Variants in DPY19L1 observed in about 807,000 individuals in gnomAD.
The protein encoded by DPY19L1 is protein C-mannosyl-transferase DPY19L1.
In DPY19L1, 35 loss-of-function variants were observed where a neutral mutation model predicts 96.9. The observed-to-expected ratio is 0.36, with a 90% CI of 0.28 to 0.48. DPY19L1 has a LOEUF of 0.48. DPY19L1 is among the 20% of genes least tolerant of loss of function. The probability of loss-of-function intolerance (pLI) is 0.99; values close to 1 mark genes in which losing one functional copy is unlikely to be tolerated. For missense variants in DPY19L1, 521 were observed against 777.9 expected (o/e 0.67, Z 3.93); for synonymous variants, 205 against 252.6 (o/e 0.81, Z 1.79).
chr7:34,930,261 G>A lies in DPY19L1; in HGVS notation c.*1312C>T, dbSNP rs1783725572. ...TAAAACCTTTTCTCAGAGCTATGAGGTTTCATCGTTTTGAAGAATCTCATT... is the reference window on the plus strand; with the variant it reads ...TAAAACCTTTTCTCAGAGCTATGAGATTTCATCGTTTTGAAGAATCTCATT... On this transcript the variant is annotated 3_prime_UTR_variant, in exon 22 of 22. Coordinates refer to ENST00000638088, the MANE Select transcript of DPY19L1 (RefSeq NM_001366673.1). The A allele has an allele frequency of 6.6e-6, 1 of 152,098 alleles. No individual in the cohort carries two copies. Among genetic ancestry groups the A allele is most frequent in the Non-Finnish European group, 1.5e-5 (1 of 68,018 alleles). 9.4% of individuals were successfully genotyped at this position (152,098 alleles called of 1,614,324 possible).
At chr7:35,030,221 A>G (rs1355695749) in intron 1 of DPY19L1, among the ~76,000 whole-genome samples, 1 of 152,250 alleles carries the variant, frequency 6.6e-6, no homozygotes, top group African/African-American at 2.4e-5. Flanking sequence ...AGTAGTAATT[A>G]CTGTTAGGAA....
intron 14 of DPY19L1, among the ~76,000 whole-genome samples, chr7:34,948,477 T>C (rs1037942113): frequency 6.6e-6 from 1 of 152,204 alleles, no homozygotes; most frequent in Non-Finnish European, 1.5e-5. Flanking sequence ...GTACTCTGTC[T>C]CTACAGCACA....
intron 11 of DPY19L1, among the ~76,000 whole-genome samples, chr7:34,955,776 T>C (rs1241099313): frequency 6.6e-6 from 1 of 152,180 alleles, no homozygotes; most frequent in Non-Finnish European, 1.5e-5. Flanking sequence ...ATCAACTAAA[T>C]ACTTCTCTGA....
In DPY19L1 at chr7:34,973,525, A is replaced by AGCT; in HGVS notation, c.902_903insAGC (p.Thr301_His302insAla). The AGCT allele has an allele frequency of 6.5e-7, 1 of 1,529,042 alleles. No individual in the cohort carries two copies. The highest frequency in any genetic ancestry group is 2.4e-5 in the East Asian group (1 of 42,196). 94.7% of individuals were successfully genotyped at this position (1,529,042 alleles called of 1,614,324 possible). A position where few individuals can be genotyped will look rare whatever the true frequency, so the allele number is the denominator to read the frequency against. On this transcript the variant is annotated inframe_insertion, in exon 8 of 22. Coordinates refer to ENST00000638088, the MANE Select transcript of DPY19L1 (RefSeq NM_001366673.1). ...TAAGTCAAAGTTACCTGAGAATATG[A>AGCT]GTCACTAGCAACATCTGAAGAACAA...
intron 11 of DPY19L1, among the ~76,000 whole-genome samples, chr7:34,955,768 C>G (rs73693349): frequency 2.1e-3 from 321 of 152,220 alleles, no homozygotes; most frequent in African/African-American, 6.8e-3. Flanking sequence ...GTTAATGGAT[C>G]AACTAAATAC....
At chr7:34,942,668 A>T in intron 16 of DPY19L1, 29 bp from the exon 17 acceptor site, 1 of 1,579,746 alleles carries the variant, frequency 6.3e-7, no homozygotes, top group Non-Finnish European at 8.6e-7. Context: ...TATTGCCATC[A>T]ATTCATTATT....
At chr7:35,015,863 T>G (rs1785833915) in intron 3 of DPY19L1, among the ~76,000 whole-genome samples, 1 of 152,238 alleles carries the variant, frequency 6.6e-6, no homozygotes, top group Non-Finnish European at 1.5e-5. Context: ...GGGGTTGCCC[T>G]GTGAAGAAGC....
chr7:35,002,947 T>A (rs1179875449), intron 6 of DPY19L1, among the ~76,000 whole-genome samples: 1 of 152,034 alleles, frequency 6.6e-6, no homozygotes, highest in Non-Finnish European at 1.5e-5. Context: ...TTTTTTGTAT[T>A]TTTTAGTAGA....
chr7:34,932,561 T>G (rs1783776306), intron 21 of DPY19L1, among the ~76,000 whole-genome samples: 1 of 152,232 alleles, frequency 6.6e-6, no homozygotes, highest in Non-Finnish European at 1.5e-5. Context: ...TCAAAACATC[T>G]TAAATTGGAC....
intron 14 of DPY19L1, among the ~76,000 whole-genome samples, chr7:34,949,004 G>A (rs1451615601): frequency 6.6e-6 from 1 of 152,176 alleles, no homozygotes; most frequent in Admixed American, 6.5e-5. Flanking sequence ...AAACTAACAT[G>A]TCAATAGAGT....
At chr7:34,937,489 T>C (rs893582014) in intron 21 of DPY19L1, among the ~76,000 whole-genome samples, 1 of 152,064 alleles carries the variant, frequency 6.6e-6, no homozygotes, top group East Asian at 1.9e-4. Context: ...AAGTTTCTTT[T>C]AAAACATCAA....
intron 6 of DPY19L1, among the ~76,000 whole-genome samples, chr7:35,000,153 A>G (rs752970847): frequency 2.0e-5 from 3 of 152,262 alleles, no homozygotes; most frequent in Non-Finnish European, 2.9e-5. Context: ...ATTAACTTAC[A>G]TGGAGACCTC....
At chr7:34,946,439 G>A (rs1176346913) in intron 15 of DPY19L1, among the ~76,000 whole-genome samples, 5 of 152,154 alleles carry the variant, frequency 3.3e-5, no homozygotes, top group African/African-American at 9.7e-5. Flanking sequence ...GTAATTATCC[G>A]CTTTCCATCT....
At chr7:34,953,796 T>C (rs574862002) in intron 13 of DPY19L1, among the ~76,000 whole-genome samples, 1 of 152,208 alleles carries the variant, frequency 6.6e-6, no homozygotes, top group Non-Finnish European at 1.5e-5. Context: ...AACCATTTAA[T>C]GGTCCATGTG....
chr7:35,015,407 G>C (rs367619376), intron 3 of DPY19L1, among the ~76,000 whole-genome samples: 7 of 152,286 alleles, frequency 4.6e-5, no homozygotes, highest in African/African-American at 1.4e-4. Flanking sequence ...CACAGGATGC[G>C]GTGAAGAAGC....
chr7:35,018,730 A>C, intron 1 of DPY19L1, 134 bp from the exon 2 acceptor site: 1 of 738,880 alleles, frequency 1.4e-6, no homozygotes. Flanking sequence ...AAAAAGTCCC[A>C]GGGCTACGTT....
chr7:35,036,054 C>A (rs767489708), intron 1 of DPY19L1, among the ~76,000 whole-genome samples: 11 of 152,214 alleles, frequency 7.2e-5, no homozygotes, highest in Middle Eastern at 3.4e-3. Context: ...TTAAAACATA[C>A]AGAGATGACT....
intron 6 of DPY19L1, among the ~76,000 whole-genome samples, chr7:34,993,127 A>T (rs1390826837): frequency 6.6e-6 from 1 of 152,250 alleles, no homozygotes; most frequent in Non-Finnish European, 1.5e-5. Flanking sequence ...GTATTCTATC[A>T]GAAAGAATTT....
chr7:34,954,564 T>C (rs1196596529), intron 13 of DPY19L1, 134 bp downstream of exon 13: 2 of 527,202 alleles, frequency 3.8e-6, no homozygotes, highest in South Asian at 2.9e-5. Flanking sequence ...CTTTCTATTA[T>C]ATTAAATAAA....
Sources: gnomAD v4.1 joint callset for allele counts (sites outside exome capture counted in the v4.1 genomes callset) on GRCh38, gnomAD v4.1.1 for gene constraint, MANE v1.5 for transcripts, NCBI Gene and HGNC (gene_info 2026-07-23, HGNC 2026-07-21) for gene names.